ACACA: variants seen among roughly 807,000 people sequenced by gnomAD.
The protein encoded by ACACA is acetyl-CoA carboxylase 1.
A neutral mutation model predicts 296.1 loss-of-function variants in ACACA; 103 were observed. The observed-to-expected ratio is 0.35, with a 90% confidence interval of 0.30 to 0.41. The LOEUF is 0.41. Ranked by LOEUF, ACACA falls within the 10% of genes least tolerant of loss-of-function variation. ACACA has a pLI of 1.00. For synonymous variants in ACACA, 953 were observed against 1,038.6 expected (o/e 0.92, Z 1.58); for missense variants, 1,554 against 2,989.7 (o/e 0.52, Z 11.20).
chr17:37,221,626 C>T (rs996550736), intron 29 of ACACA, 98 bp downstream of exon 29: 4 of 1,078,200 alleles, frequency 3.7e-6, no homozygotes, highest in Non-Finnish European at 5.8e-6. Context: ...CCCTACATTT[C>T]TAACTAAAAA....
chr17:37,254,070 C>T (rs984509723), intron 14 of ACACA, among the ~76,000 whole-genome samples: 3 of 152,152 alleles, frequency 2.0e-5, no homozygotes, highest in African/African-American at 7.2e-5. Flanking sequence ...CAGGTACTTA[C>T]TTCCACAAAT....
chr17:37,276,909 G>A (rs1034977157), intron 7 of ACACA, 124 bp downstream of exon 7: 16 of 851,542 alleles, frequency 1.9e-5, no homozygotes, highest in Middle Eastern at 2.2e-4. Flanking sequence ...GTAATAGATT[G>A]AGGGAAAAAA....
At chr17:37,330,884 T>C (rs992519615) in intron 2 of ACACA, among the ~76,000 whole-genome samples, 2 of 152,108 alleles carry the variant, frequency 1.3e-5, no homozygotes, top group African/African-American at 4.8e-5. Flanking sequence ...CTTCAAACAC[T>C]ATATATTGAG....
intron 1 of ACACA, among the ~76,000 whole-genome samples, chr17:37,402,428 T>C (rs712037): frequency 0.13 from 19,686 of 152,100 alleles, 1,467 homozygotes; most frequent in East Asian, 0.25. Flanking sequence ...GATAAAGATA[T>C]AGGAAGATGC....
At position 37,121,431 on chromosome 17, in the gene ACACA, G is replaced by A. The variant is rs775307977; in HGVS notation, c.6198C>T (p.Ala2066=). 1.2e-6 allele frequency: 2 copies of A among 1,614,044 alleles called. No homozygotes were observed. Among genetic ancestry groups the A allele is most frequent in the East Asian group, 4.5e-5 (2 of 44,890 alleles). The change falls in exon 50 of 56, where the codon GCC becomes GCT. Residue 2066 remains alanine (A), a synonymous_variant. Coordinates refer to ENST00000616317, the MANE Select transcript of ACACA (RefSeq NM_198834.3). The part of the protein sequence containing the change: ...FPDSAFKTYQ[A]IKDFNREGLP... ...GCCCTTCCCGGTTGAAGTCCTTGAT[G>A]GCCTGATACGTCTTAAACGCAGAAT...
chr17:37,359,767 A>G (rs996803714), intron 1 of ACACA, among the ~76,000 whole-genome samples: 1 of 152,118 alleles, frequency 6.6e-6, no homozygotes, highest in Non-Finnish European at 1.5e-5. Flanking sequence ...CTGGTTTCCA[A>G]GTCTGGGCGA....
intron 39 of ACACA, among the ~76,000 whole-genome samples, chr17:37,187,878 T>C (rs1267353356): frequency 1.3e-5 from 2 of 152,244 alleles, no homozygotes; most frequent in African/African-American, 4.8e-5. Flanking sequence ...AATCCAACAA[T>C]TCTCTTTTCC....
Position 37,330,240 on chromosome 17 carries a change from C to G in ACACA, c.271G>C (p.Val91Leu), listed in dbSNP as rs754016351. 1.9e-6 allele frequency: 3 copies of G among 1,614,224 alleles called. No homozygotes were observed. The highest frequency in any genetic ancestry group is 3.3e-5 in the Admixed American group (2 of 60,022). Reference protein sequence around the residue: ...EKEGSLSPASVGSDTLSDLGI... With the variant: ...EKEGSLSPASLGSDTLSDLGI... Reference sequence around the variant, plus strand: ...AAATCAGAGAGTGTATCTGAGCCAACAGAAGCAGGTGACAAGGAGCCCTCC... The same window carrying G: ...AAATCAGAGAGTGTATCTGAGCCAAGAGAAGCAGGTGACAAGGAGCCCTCC... Residue 91 changes from valine (V) to leucine (L), a missense_variant, in exon 3 of 56, where the codon GTT becomes CTT. Physicochemically the swap from Val to Leu is conservative, Grantham distance 32 (BLOSUM62 1). Transcript: ENST00000616317.
chr17:37,127,863 G>A (rs567019386), intron 47 of ACACA, among the ~76,000 whole-genome samples: 158 of 103,888 alleles, frequency 1.5e-3, no homozygotes, highest in Middle Eastern at 5.7e-3. Flanking sequence ...AAAAGAAAAA[G>A]AAAAAAAAAA....
At chr17:37,357,354 G>A (rs1464648762) in intron 1 of ACACA, among the ~76,000 whole-genome samples, 5 of 152,088 alleles carry the variant, frequency 3.3e-5, no homozygotes, top group Admixed American at 2.0e-4. Flanking sequence ...TTAGCCAGGC[G>A]TAGTGGCGCA....
chr17:37,403,085 G>A (rs550517379), intron 1 of ACACA, among the ~76,000 whole-genome samples: 1 of 152,332 alleles, frequency 6.6e-6, no homozygotes, highest in East Asian at 1.9e-4. Flanking sequence ...GGTCTGTCTA[G>A]GTAAGACACA....
At chr17:37,248,403 G>A (rs1288129509) in intron 17 of ACACA, among the ~76,000 whole-genome samples, 190 bp downstream of exon 17, 2 of 152,168 alleles carry the variant, frequency 1.3e-5, no homozygotes, top group Non-Finnish European at 2.9e-5. Flanking sequence ...CAGTGTATGT[G>A]AAGTTGAAGA....
chr17:37,404,208 C>T (rs2051387920), intron 1 of ACACA, among the ~76,000 whole-genome samples: 1 of 152,158 alleles, frequency 6.6e-6, no homozygotes, highest in South Asian at 2.1e-4. Context: ...CTTAGCCAGT[C>T]TCAAAATTTG....
intron 1 of ACACA, among the ~76,000 whole-genome samples, chr17:37,378,645 G>C (rs528371626): frequency 6.6e-6 from 1 of 152,202 alleles, no homozygotes; most frequent in Non-Finnish European, 1.5e-5. Context: ...CCAGAGAGGC[G>C]GAGGTTGCAG....
At chr17:37,285,259 G>A (rs1402361834) in intron 3 of ACACA, among the ~76,000 whole-genome samples, 6 of 152,146 alleles carry the variant, frequency 3.9e-5, no homozygotes, top group African/African-American at 9.7e-5. Flanking sequence ...CTCAGAGACC[G>A]TTAAAGCCAA....
At chr17:37,144,532 T>C (rs1309188349) in intron 45 of ACACA, 4 of 170,928 alleles carry the variant, frequency 2.3e-5, no homozygotes, top group African/African-American at 9.6e-5. Flanking sequence ...GTCCCTGGTG[T>C]AACAGACAAT....
At chr17:37,273,628 T>C (rs2082156989) in intron 9 of ACACA, among the ~76,000 whole-genome samples, 1 of 152,228 alleles carries the variant, frequency 6.6e-6, no homozygotes, top group Non-Finnish European at 1.5e-5. Flanking sequence ...GCTCTCTCTC[T>C]CTGTCGAGGG....
At chr17:37,295,971 G>A (rs537511066) in intron 3 of ACACA, among the ~76,000 whole-genome samples, 1 of 151,956 alleles carries the variant, frequency 6.6e-6, no homozygotes, top group Non-Finnish European at 1.5e-5. Context: ...GAAAATGAAA[G>A]CACACTCTAC....
chr17:37,156,168 A>G (rs1172815333), intron 42 of ACACA, among the ~76,000 whole-genome samples: 1 of 142,854 alleles, frequency 7.0e-6, no homozygotes, highest in Non-Finnish European at 1.5e-5. Flanking sequence ...GGTTCACACC[A>G]TTCTCCTGCC....
Sources: gnomAD v4.1 joint callset for allele counts (sites outside exome capture counted in the v4.1 genomes callset) on GRCh38, gnomAD v4.1.1 for gene constraint, MANE v1.5 for transcripts, NCBI Gene and HGNC (gene_info 2026-07-23, HGNC 2026-07-21) for gene names.